Variants in BACE2 observed in about 807,000 individuals in gnomAD.
The protein encoded by BACE2 is beta-secretase 2.
Under a neutral mutation model 46.2 loss-of-function variants are expected in BACE2, and 17 were observed. The ratio of observed to expected loss-of-function variants is 0.37; its 90% confidence interval spans 0.25 to 0.55. BACE2 has a LOEUF of 0.55. Ranked by LOEUF, BACE2 falls within the 20% of genes least tolerant of loss-of-function variation. BACE2 has a pLI of 0.82. For synonymous variants in BACE2, 277 were observed against 295.9 expected, an observed-to-expected ratio of 0.94 and a Z score of 0.66; for missense variants, 595 against 698.1, an observed-to-expected ratio of 0.85 and a Z score of 1.66.
At chr21:41,184,997 A>G (rs556167505) in intron 1 of BACE2, 1 of 167,060 alleles carries the variant, frequency 6.0e-6, no homozygotes, top group Non-Finnish European at 1.5e-5. Flanking sequence ...TGCAATACAA[A>G]ATGAGTTTCT....
In BACE2 at chr21:41,243,522, A is replaced by G. The variant is rs191388562; in HGVS notation, c.882+12A>G. 2.1e-4 allele frequency: 335 copies of G among 1,603,730 alleles called. 2 individuals carry two copies. The Admixed American group carries it at 2.2e-3, about 11-fold the overall frequency. On this transcript the variant is annotated intron_variant, in intron 5 of 8. Coordinates refer to ENST00000330333, the MANE Select transcript of BACE2 (RefSeq NM_012105.5). Reference sequence around the variant, plus strand: ...TGGACTGCAGAGAGGTATTTATGCTATGGTCTCTGTTGTGTCTTTCTGTGT... The same window carrying G: ...TGGACTGCAGAGAGGTATTTATGCTGTGGTCTCTGTTGTGTCTTTCTGTGT...
At chr21:41,192,171 G>C (rs1459918115) in intron 1 of BACE2, among the ~76,000 whole-genome samples, 1 of 152,212 alleles carries the variant, frequency 6.6e-6, no homozygotes, top group Admixed American at 6.5e-5. Context: ...CCACTTTCGG[G>C]TGGTGCCTGC....
intron 6 of BACE2, among the ~76,000 whole-genome samples, chr21:41,248,312 C>T (rs1178352418): frequency 6.6e-6 from 1 of 152,224 alleles, no homozygotes; most frequent in Non-Finnish European, 1.5e-5. Context: ...AGGGAGGCTG[C>T]CAGACTTTTG....
At chr21:41,272,517 A>T (rs932068301) in intron 8 of BACE2, among the ~76,000 whole-genome samples, 2 of 146,328 alleles carry the variant, frequency 1.4e-5, no homozygotes, top group Non-Finnish European at 3.0e-5. Flanking sequence ...CTTCATTTCT[A>T]TTGTTTTGGT....
chr21:41,213,299 C>T (rs1986354799), intron 1 of BACE2, among the ~76,000 whole-genome samples: 1 of 152,166 alleles, frequency 6.6e-6, no homozygotes. Flanking sequence ...AGGAGTAAAT[C>T]AGAGCTGCAG....
At chr21:41,240,735 T>A (rs957144796) in intron 3 of BACE2, among the ~76,000 whole-genome samples, 2 of 152,204 alleles carry the variant, frequency 1.3e-5, no homozygotes, top group African/African-American at 2.4e-5. Context: ...AGAGATTGCA[T>A]ATGGAAATCG....
At chr21:41,214,686 A>G (rs1986402258) in intron 1 of BACE2, among the ~76,000 whole-genome samples, 1 of 152,210 alleles carries the variant, frequency 6.6e-6, no homozygotes, top group African/African-American at 2.4e-5. Context: ...ACGTCTCTCT[A>G]ACCTTGACTT....
intron 1 of BACE2, among the ~76,000 whole-genome samples, chr21:41,213,932 A>T (rs1282001372): frequency 6.6e-6 from 1 of 152,188 alleles, no homozygotes; most frequent in Non-Finnish European, 1.5e-5. Context: ...TTTTAGTGCC[A>T]TGGGATGCTG....
intron 8 of BACE2, among the ~76,000 whole-genome samples, chr21:41,258,421 T>A (rs1271737342): frequency 6.6e-6 from 1 of 152,178 alleles, no homozygotes; most frequent in Non-Finnish European, 1.5e-5. Flanking sequence ...ACTCAGACCT[T>A]CACTCTGATC....
chr21:41,220,197 T>C (rs1249306136), intron 1 of BACE2, among the ~76,000 whole-genome samples: 1 of 152,122 alleles, frequency 6.6e-6, no homozygotes, highest in East Asian at 1.9e-4. Flanking sequence ...GGGGGACAGG[T>C]ACAGAACTTC....
intron 2 of BACE2, among the ~76,000 whole-genome samples, chr21:41,233,606 A>T (rs1225080455): frequency 2.0e-5 from 3 of 152,252 alleles, no homozygotes; most frequent in Non-Finnish European, 4.4e-5. Context: ...GCCTGGACAG[A>T]GTGAAACTAA....
Position 41,257,148 on chromosome 21 carries a change from C to G in BACE2, c.1135-10C>G, listed in dbSNP as rs73368323. The G allele has an allele frequency of 6.2e-7, 1 of 1,614,074 alleles. No individual in the cohort carries two copies. The highest frequency in any genetic ancestry group is 8.5e-7 in the Non-Finnish European group (1 of 1,179,968). On this transcript the variant is annotated splice_polypyrimidine_tract_variant and intron_variant, in intron 7 of 8. Coordinates refer to ENST00000330333, the MANE Select transcript of BACE2 (RefSeq NM_012105.5). Reference sequence around the variant, plus strand: ...TCTTGTTTGTTTGCTCTCTCCTCTCCGACAAACAGCTTTACATTCAGCCCA... The same window carrying G: ...TCTTGTTTGTTTGCTCTCTCCTCTCGGACAAACAGCTTTACATTCAGCCCA...
intron 1 of BACE2, among the ~76,000 whole-genome samples, chr21:41,222,097 T>C (rs1004326055): frequency 4.6e-5 from 7 of 152,140 alleles, no homozygotes; most frequent in Non-Finnish European, 7.4e-5. Context: ...CCTTGTAGAG[T>C]TGAGCAAGTC....
In BACE2 at chr21:41,246,083, A is replaced by C. The variant is rs372010762; in HGVS notation, c.984+20A>C. The C allele has an allele frequency of 2.8e-5, 44 of 1,570,596 alleles. 1 individual carries two copies. Among genetic ancestry groups the C allele is most frequent in the East Asian group, 1.6e-4 (7 of 42,940 alleles). On this transcript the variant is annotated intron_variant, in intron 6 of 8. Coordinates refer to ENST00000330333, the MANE Select transcript of BACE2 (RefSeq NM_012105.5). ...TCTCTGGTGAGTCCTCGGGACACTC[A>C]CGGGTCCCCGAGTTGCTGAGTTACA...
intron 1 of BACE2, among the ~76,000 whole-genome samples, chr21:41,220,562 C>T (rs1374701352): frequency 2.0e-5 from 3 of 152,084 alleles, no homozygotes; most frequent in African/African-American, 4.8e-5. Context: ...AAATCACATA[C>T]GTATTTCACA....
intron 1 of BACE2, among the ~76,000 whole-genome samples, chr21:41,222,149 G>A (rs534274631): frequency 2.6e-5 from 4 of 152,352 alleles, no homozygotes; most frequent in Non-Finnish European, 5.9e-5. Flanking sequence ...GACGTGGAGT[G>A]AGGACTGTGC....
At chr21:41,238,472 G>A (rs113566402) in intron 3 of BACE2, among the ~76,000 whole-genome samples, 34 of 152,358 alleles carry the variant, frequency 2.2e-4, no homozygotes, top group Admixed American at 5.2e-4. Flanking sequence ...CGCTAGGGGT[G>A]TGTGCAGGGC....
intron 1 of BACE2, among the ~76,000 whole-genome samples, chr21:41,192,726 G>A (rs1985616037): frequency 6.6e-6 from 1 of 152,222 alleles, no homozygotes; most frequent in African/African-American, 2.4e-5. Context: ...TTGCACAGCA[G>A]CCTGGACCTG....
At chr21:41,176,365 T>C (rs1288071833) in intron 1 of BACE2, 2 of 152,118 alleles carry the variant, frequency 1.3e-5, no homozygotes, top group African/African-American at 4.8e-5. Flanking sequence ...AGAGCAGGAA[T>C]ACCTTGCAGA....
Sources: allele counts gnomAD v4.1 joint callset (sites outside exome capture counted in the v4.1 genomes callset), GRCh38; gene constraint gnomAD v4.1.1; transcripts MANE v1.5; gene names NCBI Gene and HGNC (gene_info 2026-07-23, HGNC 2026-07-21).